LARGE1: variants seen among roughly 807,000 people sequenced by gnomAD.
The protein encoded by LARGE1 is xylosyl- and glucuronyltransferase LARGE1.
A neutral mutation model predicts 87.6 loss-of-function variants in LARGE1; 43 were observed. The observed-to-expected ratio is 0.49, with a 90% CI of 0.38 to 0.63. The LOEUF (loss-of-function observed/expected upper bound fraction) is 0.63, where lower values mean the gene tolerates loss of function less well. Ranked by LOEUF, LARGE1 falls within the 30% of genes least tolerant of loss-of-function variation. The probability of loss-of-function intolerance (pLI) is 0.00; values close to 1 mark genes in which losing one functional copy is unlikely to be tolerated. For synonymous variants in LARGE1, 434 were observed against 394.6 expected, an observed-to-expected ratio of 1.10 and a Z score of -1.18; for missense variants, 802 against 1,000.2, an observed-to-expected ratio of 0.80 and a Z score of 2.67.
At chr22:33,652,063 C>G (rs1236713158) in intron 2 of LARGE1, among the ~76,000 whole-genome samples, 1 of 152,126 alleles carries the variant, frequency 6.6e-6, no homozygotes, top group Non-Finnish European at 1.5e-5. Flanking sequence ...ACAGTCCCAG[C>G]TACTCGTGAG....
rs541444835 is a variant in LARGE1 at position 33,246,601 on chromosome 22, G to A, written c.1730+57628C>T. On this transcript the variant is annotated intron_variant, in intron 11 of 11. Transcript: ENST00000608642. ...GTGGAGGTTGCAGTGAGCCGAGATC[G>A]CACCACTGCACTCCAGCTTGGGTGC... Among the ~76,000 whole-genome samples the A allele has an allele frequency of 7.0e-4, 106 of 152,170 alleles. 1 individual carries two copies. The highest frequency in any genetic ancestry group is 2.4e-3 in the African/African-American group (100 of 41,492).
intron 11 of LARGE1, among the ~76,000 whole-genome samples, chr22:33,267,399 T>C (rs889439091): frequency 4.6e-5 from 7 of 151,692 alleles, no homozygotes; most frequent in African/African-American, 1.5e-4. Context: ...TGAAGGCAGA[T>C]CTGTTGTCAA....
chr22:33,210,821 C>G (rs1187330755), intron 11 of LARGE1, among the ~76,000 whole-genome samples: 1 of 152,266 alleles, frequency 6.6e-6, no homozygotes, highest in Non-Finnish European at 1.5e-5. Flanking sequence ...CTGGGCCTCA[C>G]ACCACGGATG....
chr22:33,511,980 G>A (rs1048267229), intron 6 of LARGE1, among the ~76,000 whole-genome samples: 1 of 152,138 alleles, frequency 6.6e-6, no homozygotes, highest in Non-Finnish European at 1.5e-5. Context: ...TTACTTGTAG[G>A]TTGACCATAC....
rs534465996 is a variant in LARGE1, at chr22:33,225,578, T to C, written c.1731-58746A>G. Among the ~76,000 whole-genome samples the C allele has an allele frequency of 2.2e-4, 34 of 152,328 alleles. No homozygotes were observed. In the South Asian group the frequency reaches 2.9e-3, roughly 13 times the overall value. ...TTATTTTCTTTCTTTTTTTAAACTTTTATCTTAGGTTCAGGGGTACATGTG... is the reference window on the plus strand; with the variant it reads ...TTATTTTCTTTCTTTTTTTAAACTTCTATCTTAGGTTCAGGGGTACATGTG... On this transcript the variant is annotated intron_variant, in intron 11 of 11. Coordinates refer to the LARGE1 transcript ENST00000608642.
At chr22:33,845,979 C>A (rs1309432672) in intron 1 of LARGE1, among the ~76,000 whole-genome samples, 1 of 152,240 alleles carries the variant, frequency 6.6e-6, no homozygotes, top group Non-Finnish European at 1.5e-5. Context: ...CCAGTGCCAT[C>A]AAATTTTCCC....
chr22:33,089,531 T>C, the LARGE1 span, among the ~76,000 whole-genome samples: 1 of 151,638 alleles, frequency 6.6e-6, no homozygotes, highest in Admixed American at 6.6e-5. Flanking sequence ...AGGGTCTTGC[T>C]TTGTCACTCA....
chr22:33,518,761 G>A (rs911215248), intron 6 of LARGE1, among the ~76,000 whole-genome samples: 2 of 152,176 alleles, frequency 1.3e-5, no homozygotes, highest in Non-Finnish European at 2.9e-5. Flanking sequence ...AGGAGTGGAA[G>A]TGTAACTGCA....
At chr22:33,649,626 A>AAATC (rs2080729696) in intron 3 of LARGE1, among the ~76,000 whole-genome samples, 1 of 152,200 alleles carries the variant, frequency 6.6e-6, no homozygotes, top group South Asian at 2.1e-4. Flanking sequence ...CTCTCTGCAT[A>AAATC]AATCACTAAA....
At chr22:33,862,379 T>G (rs2063955343) in intron 1 of LARGE1, among the ~76,000 whole-genome samples, 2 of 151,826 alleles carry the variant, frequency 1.3e-5, no homozygotes, top group African/African-American at 4.8e-5. Flanking sequence ...CTGGGGGAGG[T>G]TATATCCGAA....
At chr22:33,120,163 C>T in the LARGE1 span, among the ~76,000 whole-genome samples, 55 of 152,128 alleles carry the variant, frequency 3.6e-4, no homozygotes, top group African/African-American at 1.2e-3. Flanking sequence ...TACACACACT[C>T]TCTTAAGTCT....
At chr22:33,351,034 G>A (rs543357918) in intron 9 of LARGE1, among the ~76,000 whole-genome samples, 5 of 152,290 alleles carry the variant, frequency 3.3e-5, no homozygotes, top group South Asian at 2.1e-4. Flanking sequence ...TTCATTGCAC[G>A]TTTTGCCTGA....
chr22:33,284,818 G>A (rs559438270), intron 12 of LARGE1, among the ~76,000 whole-genome samples: 9 of 152,176 alleles, frequency 5.9e-5, no homozygotes, highest in Admixed American at 1.3e-4. Flanking sequence ...CTTGTGATCC[G>A]CCCGCCTTGG....
intron 6 of LARGE1, among the ~76,000 whole-genome samples, chr22:33,519,605 A>C (rs539252540): frequency 2.0e-5 from 3 of 152,164 alleles, no homozygotes; most frequent in African/African-American, 7.2e-5. Context: ...AAAAACAAAA[A>C]CACGTAAATG....
rs2069293417 is a variant in LARGE1 at position 33,480,922 on chromosome 22, T to C, written c.788-48657A>G. Among the ~76,000 whole-genome samples the C allele has an allele frequency of 2.6e-5, 4 of 152,280 alleles. No homozygotes were observed. In the South Asian group the frequency reaches 8.3e-4, roughly 32 times the overall value. ...CCACATTTTATGTATGATTTCCATGTTATTCAATTGTATGGATATACCAAA... is the reference window on the plus strand; with the variant it reads ...CCACATTTTATGTATGATTTCCATGCTATTCAATTGTATGGATATACCAAA... On this transcript the variant is annotated intron_variant, in intron 6 of 14. Coordinates refer to ENST00000397394, the MANE Select transcript of LARGE1 (RefSeq NM_133642.5).
At chr22:33,541,011 A>T (rs1436085445) in intron 6 of LARGE1, among the ~76,000 whole-genome samples, 1 of 129,010 alleles carries the variant, frequency 7.8e-6, no homozygotes, top group Non-Finnish European at 1.6e-5. Flanking sequence ...GGTGGTGCAC[A>T]CCTGTAGTTA....
chr22:33,108,129 A>G, the LARGE1 span, among the ~76,000 whole-genome samples: 1 of 152,168 alleles, frequency 6.6e-6, no homozygotes, highest in Non-Finnish European at 1.5e-5. Flanking sequence ...TGCCGTTGTA[A>G]CTATAACTGT....
At chr22:33,593,070 A>C (rs1602613235) in intron 5 of LARGE1, among the ~76,000 whole-genome samples, 1 of 152,132 alleles carries the variant, frequency 6.6e-6, no homozygotes, top group Admixed American at 6.5e-5. Context: ...CAATCTCTTG[A>C]CCTTGTGATC....
intron 2 of LARGE1, among the ~76,000 whole-genome samples, chr22:33,676,646 A>G (rs2081588228): frequency 6.6e-6 from 1 of 152,094 alleles, no homozygotes; most frequent in African/African-American, 2.4e-5. Flanking sequence ...TTAGAAGAAC[A>G]TTGTATTAAT....
Sources: gnomAD v4.1 joint callset for allele counts (sites outside exome capture counted in the v4.1 genomes callset) on GRCh38, gnomAD v4.1.1 for gene constraint, MANE v1.5 for transcripts, NCBI Gene and HGNC (gene_info 2026-07-23, HGNC 2026-07-21) for gene names.